Variants in PRIM2 observed in about 807,000 individuals in gnomAD.
PRIM2 encodes the protein DNA primase subunit 2, also known as DNA primase large subunit.
In PRIM2, 39 loss-of-function variants were observed where a neutral mutation model predicts 67.3. The ratio of observed to expected loss-of-function variants is 0.58; its 90% CI spans 0.45 to 0.76. The LOEUF (loss-of-function observed/expected upper bound fraction) is 0.76. PRIM2 is among the 30% of genes least tolerant of loss of function. PRIM2 has a pLI of 0.00. For synonymous variants in PRIM2, 143 were observed against 198.7 expected, an observed-to-expected ratio of 0.72 and a Z score of 2.36; for missense variants, 398 against 598.7, an observed-to-expected ratio of 0.66 and a Z score of 3.50.
intron 5 of PRIM2, among the ~76,000 whole-genome samples, chr6:57,356,377 T>G (rs899796696): frequency 6.6e-6 from 1 of 152,218 alleles, no homozygotes; most frequent in Non-Finnish European, 1.5e-5. Flanking sequence ...TAACTATTAT[T>G]TATTATTATT....
intron 10 of PRIM2, among the ~76,000 whole-genome samples, chr6:57,580,680 G>C (rs1228678524): frequency 6.6e-6 from 1 of 152,208 alleles, no homozygotes; most frequent in Non-Finnish European, 1.5e-5. Context: ...ACTGAGAAGA[G>C]AGGTCAAAGA....
intron 7 of PRIM2, among the ~76,000 whole-genome samples, chr6:57,392,975 T>A (rs1292272682): frequency 6.7e-6 from 1 of 149,350 alleles, no homozygotes; most frequent in Non-Finnish European, 1.5e-5. Flanking sequence ...AATTATTCCT[T>A]TTTATGGTTG....
chr6:57,485,825 G>C (rs1241085690), intron 7 of PRIM2, among the ~76,000 whole-genome samples: 1 of 152,160 alleles, frequency 6.6e-6, no homozygotes, highest in Non-Finnish European at 1.5e-5. Flanking sequence ...TCCATGCTGT[G>C]TTTTGCAGGG....
chr6:57,644,006 T>C lies in PRIM2; in HGVS notation c.1300-1922T>C, dbSNP rs1169062639. 2.5e-4 allele frequency among the ~76,000 whole-genome samples: 38 copies of C among 152,226 alleles called. 1 individual carries two copies. The South Asian group carries it at 7.5e-3, about 30-fold the overall frequency. ...CATTCTAGACCATGGCAGCAACCCC[T>C]TTTTCCCTGGCCAATTCATTTTAAT... On this transcript the variant is annotated intron_variant, in intron 13 of 13. Coordinates refer to ENST00000615550, the MANE Select transcript of PRIM2 (RefSeq NM_000947.5).
rs1776562824 is a variant in PRIM2, at chr6:57,606,391, C to G, written c.1164C>G (p.His388Gln). The stretch of plus-strand genomic sequence containing the variant: ...TGTTGTCAGGGTGCCCATTCCGTCA[C>G]AGTGATCCAGAGCTGCTGAAGCAAA... The part of the protein sequence containing the change: ...QGDYHGCPFR[H>Q]SDPELLKQKL... Residue 388 changes from histidine to glutamine, a missense_variant, in exon 12 of 14, where the codon CAC (histidine) becomes CAG (glutamine). His to Gln is a conservative substitution (Grantham distance 24). Transcript: ENST00000615550. 1 of 1,597,464 alleles carries G rather than the reference C, an allele frequency of 6.3e-7. No individual in the cohort carries two copies. Among genetic ancestry groups the G allele is most frequent in the African/African-American group, 1.3e-5 (1 of 74,700 alleles).
intron 7 of PRIM2, among the ~76,000 whole-genome samples, chr6:57,465,988 C>T (rs1367453706): frequency 6.6e-6 from 1 of 151,596 alleles, no homozygotes; most frequent in East Asian, 1.9e-4. Context: ...CACCCCCTGA[C>T]AGGCCCCGGT....
At chr6:57,440,749 G>T (rs1056102765) in intron 7 of PRIM2, among the ~76,000 whole-genome samples, 1 of 152,168 alleles carries the variant, frequency 6.6e-6, no homozygotes, top group African/African-American at 2.4e-5. Context: ...TACAGTAACT[G>T]TCTGTTGACC....
chr6:57,307,818 C>T, the PRIM2 span, among the ~76,000 whole-genome samples: 2 of 152,050 alleles, frequency 1.3e-5, no homozygotes, highest in African/African-American at 2.4e-5. Flanking sequence ...TTCCTATTTC[C>T]TTTTGGGGCT....
At chr6:57,642,160 C>T (rs1777248608) in intron 13 of PRIM2, among the ~76,000 whole-genome samples, 1 of 152,060 alleles carries the variant, frequency 6.6e-6, no homozygotes, top group South Asian at 2.1e-4. Flanking sequence ...TGTTCTCACT[C>T]ATAAGTGGGA....
intron 7 of PRIM2, among the ~76,000 whole-genome samples, chr6:57,409,311 G>T (rs1345535465): frequency 2.0e-5 from 3 of 152,042 alleles, no homozygotes; most frequent in African/African-American, 7.2e-5. Context: ...AAGTAGCTGG[G>T]ACTACAGGTG....
chr6:57,291,232 A>G, the PRIM2 span, among the ~76,000 whole-genome samples: 1 of 152,238 alleles, frequency 6.6e-6, no homozygotes, highest in Non-Finnish European at 1.5e-5. Context: ...CTCCATGTAA[A>G]TAAACTAGAA....
intron 7 of PRIM2, among the ~76,000 whole-genome samples, chr6:57,405,337 T>C (rs1770851920): frequency 6.6e-6 from 1 of 150,922 alleles, no homozygotes; most frequent in African/African-American, 2.4e-5. Context: ...GCTGAGAGTG[T>C]AATTTTTAAC....
intron 7 of PRIM2, among the ~76,000 whole-genome samples, chr6:57,493,101 G>C (rs1208293692): frequency 9.2e-5 from 14 of 152,298 alleles, no homozygotes; most frequent in African/African-American, 3.4e-4. Flanking sequence ...TTAACAGGCA[G>C]TTCAGACTTA....
chr6:57,252,737 G>A, the PRIM2 span, among the ~76,000 whole-genome samples: 4 of 152,234 alleles, frequency 2.6e-5, no homozygotes, highest in African/African-American at 9.6e-5. Flanking sequence ...CACTGTGCCC[G>A]GCCTTGCTCT....
intron 8 of PRIM2, among the ~76,000 whole-genome samples, chr6:57,514,218 G>A (rs1175511785): frequency 6.6e-6 from 1 of 152,082 alleles, no homozygotes; most frequent in Non-Finnish European, 1.5e-5. Context: ...TAAAGAATAT[G>A]CTTTCACAAA....
intron 7 of PRIM2, among the ~76,000 whole-genome samples, chr6:57,391,096 G>A (rs1770329594): frequency 7.2e-6 from 1 of 138,584 alleles, no homozygotes; most frequent in African/African-American, 2.8e-5. Context: ...GTATGAGATG[G>A]TATCTCATTG....
chr6:57,262,643 TC>T, the PRIM2 span, among the ~76,000 whole-genome samples: 1 of 152,068 alleles, frequency 6.6e-6, no homozygotes, highest in African/African-American at 2.4e-5. Context: ...AAGAGTCTGG[TC>T]CTTGGGAAGC....
chr6:57,636,859 G>T (rs1481837704), intron 13 of PRIM2, among the ~76,000 whole-genome samples: 4 of 152,212 alleles, frequency 2.6e-5, no homozygotes, highest in Non-Finnish European at 5.9e-5. Flanking sequence ...GTTCTTGCCT[G>T]CCAGCTCTAA....
At chr6:57,544,341 C>A (rs1314821607) in intron 10 of PRIM2, among the ~76,000 whole-genome samples, 1 of 151,838 alleles carries the variant, frequency 6.6e-6, no homozygotes, top group Non-Finnish European at 1.5e-5. Flanking sequence ...AGGGGTTTGG[C>A]GTGTTTCTGG....
Sources: allele counts gnomAD v4.1 joint callset (sites outside exome capture counted in the v4.1 genomes callset), GRCh38; gene constraint gnomAD v4.1.1; transcripts MANE v1.5; gene names NCBI Gene and HGNC (gene_info 2026-07-23, HGNC 2026-07-21).